The following ALDH4A1 variants were observed in gnomAD, a reference collection of about 807,000 sequenced individuals.
ALDH4A1 encodes the protein delta-1-pyrroline-5-carboxylate dehydrogenase, mitochondrial.
Under a neutral mutation model 70.5 loss-of-function variants are expected in ALDH4A1, and 46 were observed. The ratio of observed to expected loss-of-function variants is 0.65; its 90% CI spans 0.51 to 0.83. ALDH4A1 has a LOEUF of 0.83. ALDH4A1 is among the 40% of genes least tolerant of loss of function. The pLI, the probability that ALDH4A1 is intolerant of heterozygous loss-of-function variation, is 0.00. For synonymous variants in ALDH4A1, 323 were observed against 324.3 expected (o/e 1.00, Z 0.04); for missense variants, 749 against 766.5 (o/e 0.98, Z 0.27).
chr1:18,885,441 G>GGCC, intron 5 of ALDH4A1, 32 bp downstream of exon 5: 5 of 423,738 alleles, frequency 1.2e-5, no homozygotes, highest in South Asian at 2.9e-5. Flanking sequence ...ACCCCACCCC[G>GGCC]CCCCACCCAC....
At chr1:18,877,753 G>C in intron 9 of ALDH4A1, 141 bp from the exon 10 acceptor site, 1 of 1,031,768 alleles carries the variant, frequency 9.7e-7, no homozygotes, top group Non-Finnish European at 1.4e-6. Flanking sequence ...GGCTCAGAGT[G>C]AGCGCTGGCC....
In ALDH4A1 at chr1:18,875,719, C is replaced by T. The variant is rs28403282; in HGVS notation, c.1339-216G>A. 0.073 allele frequency among the ~76,000 whole-genome samples: 11,141 copies of T among 152,222 alleles called. 888 individuals carry two copies. Among genetic ancestry groups the T allele is most frequent in the African/African-American group, 0.2 (8,436 of 41,508 alleles). On this transcript the variant is annotated intron_variant, in intron 12 of 14. Transcript: ENST00000375341. ...CTGTCCTGTCCATCCCACCACAAGCCGGCAAAAGATGCAAACATTTTCTGG... is the reference window on the plus strand; with the variant it reads ...CTGTCCTGTCCATCCCACCACAAGCTGGCAAAAGATGCAAACATTTTCTGG...
rs770587213 is a variant in ALDH4A1, at chr1:18,877,605, G to A, written c.948C>T (p.Gly316=). Residue 316 remains glycine (G), a synonymous_variant, in exon 10 of 15, where the codon GGC becomes GGT. Transcript: ENST00000375341. ...HTFPRLAGEC[G]GKNFHFVHRS... ...GGTGCACGAAGTGGAAGTTCTTTCC[G>A]CCGCACTCTACAGGGGTCGGGGGTG... 48 of 947,530 alleles carry A rather than the reference G, an allele frequency of 5.1e-5. No individual in the cohort carries two copies. The highest frequency in any genetic ancestry group is 7.2e-5 in the Non-Finnish European group (45 of 621,598). The allele number at this position is 947,530 out of a possible 1,614,324, so 58.7% of individuals were successfully genotyped here.
chr1:18,897,241 C>A, intron 1 of ALDH4A1: 1 of 402,956 alleles, frequency 2.5e-6, no homozygotes, highest in Non-Finnish European at 5.1e-6. Context: ...CCAAGCAAGT[C>A]CAATATACAA....
chr1:18,902,151 T>C (rs1176553259), intron 1 of ALDH4A1, among the ~76,000 whole-genome samples: 1 of 151,338 alleles, frequency 6.6e-6, no homozygotes, highest in Non-Finnish European at 1.5e-5. Context: ...GTGAGGTGAG[T>C]GACTACAGAG....
chr1:18,872,137 T>C lies in ALDH4A1; in HGVS notation c.*708A>G. 6.6e-6 allele frequency: 1 copy of C among 152,624 alleles called. No homozygotes were observed. Among genetic ancestry groups the C allele is most frequent in the Non-Finnish European group, 1.5e-5 (1 of 68,282 alleles). The allele number at this position is 152,624 out of a possible 1,614,324, so 9.5% of individuals were successfully genotyped here. A position where few individuals can be genotyped will look rare whatever the true frequency, so the allele number is the denominator to read the frequency against. ...TCCAAGGTTTTCCAGAATCACGGCC[T>C]AAACCGGCAGGACCATCCCATCCCA... On this transcript the variant is annotated 3_prime_UTR_variant, in exon 15 of 15. Transcript: ENST00000375341.
At chr1:18,879,195 C>G in intron 9 of ALDH4A1, 105 bp downstream of exon 9, 1 of 1,165,892 alleles carries the variant, frequency 8.6e-7, no homozygotes, top group Non-Finnish European at 1.2e-6. Flanking sequence ...AATGGTTCAT[C>G]CACCTGACTT....
At chr1:18,896,433 G>A (rs528047990) in intron 1 of ALDH4A1, among the ~76,000 whole-genome samples, 48 of 152,332 alleles carry the variant, frequency 3.2e-4, no homozygotes, top group African/African-American at 1.1e-3. Flanking sequence ...GGTGGCCAAG[G>A]ACAAGGAGAG....
intron 2 of ALDH4A1, 88 bp downstream of exon 2, chr1:18,889,924 G>T: frequency 2.6e-6 from 3 of 1,147,498 alleles, no homozygotes; most frequent in Non-Finnish European, 3.7e-6. Flanking sequence ...GGTGATGGCT[G>T]CAGGCACGGG....
chr1:18,875,023 C>G (rs1354314339), intron 13 of ALDH4A1, among the ~76,000 whole-genome samples: 1 of 152,262 alleles, frequency 6.6e-6, no homozygotes, highest in Non-Finnish European at 1.5e-5. Flanking sequence ...GGTTCGAATC[C>G]TGCCTCTGCA....
At chr1:18,883,479 T>C in intron 5 of ALDH4A1, 51 bp from the exon 6 acceptor site, 7 of 1,610,410 alleles carry the variant, frequency 4.3e-6, no homozygotes, top group Non-Finnish European at 5.9e-6. Context: ...CTCCTGTCCA[T>C]CCTCTTCTCA....
chr1:18,885,441 G>GC, intron 5 of ALDH4A1, 32 bp downstream of exon 5: 57 of 423,740 alleles, frequency 1.3e-4, no homozygotes, highest in South Asian at 3.2e-4. Flanking sequence ...ACCCCACCCC[G>GC]CCCCACCCAC....
chr1:18,879,078 TC>T (rs1160863402), intron 9 of ALDH4A1, among the ~76,000 whole-genome samples: 1 of 152,212 alleles, frequency 6.6e-6, no homozygotes, highest in African/African-American at 2.4e-5. Context: ...AGGCCACCCT[TC>T]AAGGGCTCCA....
chr1:18,886,711 A>G (rs1450279751), intron 3 of ALDH4A1, among the ~76,000 whole-genome samples, 200 bp from the exon 4 acceptor site: 2 of 151,916 alleles, frequency 1.3e-5, no homozygotes, highest in Non-Finnish European at 2.9e-5. Context: ...CCGCTATACC[A>G]TGAGTAAGAC....
At position 18,883,440 on chromosome 1, in the gene ALDH4A1, A is replaced by T. The variant is rs539821583; in HGVS notation, c.454-12T>A. On this transcript the variant is annotated splice_polypyrimidine_tract_variant and intron_variant, in intron 5 of 14. Coordinates refer to ENST00000375341, the MANE Select transcript of ALDH4A1 (RefSeq NM_003748.4). ...ATCACGGTCTTACCCTGCAAGGCAGAGGGCCGGGGGTCAGGAGCAGCCAAC... is the reference window on the plus strand; with the variant it reads ...ATCACGGTCTTACCCTGCAAGGCAGTGGGCCGGGGGTCAGGAGCAGCCAAC... 1.2e-6 allele frequency: 2 copies of T among 1,613,072 alleles called. No individual in the cohort carries two copies. Among genetic ancestry groups the T allele is most frequent in the Admixed American group, 3.3e-5 (2 of 60,026 alleles).
intron 11 of ALDH4A1, 131 bp downstream of exon 11, chr1:18,877,077 G>T: frequency 8.5e-7 from 1 of 1,176,750 alleles, no homozygotes; most frequent in Non-Finnish European, 1.2e-6. Flanking sequence ...GTGTGTGGCT[G>T]CTGAGCTGCC....
intron 7 of ALDH4A1, chr1:18,882,426 C>A: frequency 2.4e-6 from 1 of 423,726 alleles, no homozygotes; most frequent in East Asian, 6.0e-5. Flanking sequence ...CTCTCCCACC[C>A]AGGCTGTCTG....
chr1:18,894,582 T>C (rs910493701), intron 1 of ALDH4A1, among the ~76,000 whole-genome samples: 3 of 152,188 alleles, frequency 2.0e-5, no homozygotes, highest in African/African-American at 7.2e-5. Flanking sequence ...AGTTCTCCTT[T>C]CTCCGTTCCC....
At chr1:18,898,000 C>A (rs1935679711) in intron 1 of ALDH4A1, among the ~76,000 whole-genome samples, 1 of 152,038 alleles carries the variant, frequency 6.6e-6, no homozygotes, top group Non-Finnish European at 1.5e-5. Flanking sequence ...CTTTTCCATC[C>A]CCTGAGGTGA....
Sources: allele counts gnomAD v4.1 joint callset (sites outside exome capture counted in the v4.1 genomes callset), GRCh38; gene constraint gnomAD v4.1.1; transcripts MANE v1.5; gene names NCBI Gene and HGNC (gene_info 2026-07-23, HGNC 2026-07-21).